SEMA5A: variants seen among roughly 807,000 people sequenced by gnomAD.
The protein encoded by SEMA5A is semaphorin-5A.
Under a neutral mutation model 135.5 loss-of-function variants are expected in SEMA5A, and 55 were observed. The ratio of observed to expected loss-of-function variants is 0.41; its 90% CI spans 0.33 to 0.51. SEMA5A has a LOEUF of 0.51. Among genes scored for constraint, SEMA5A ranks in the 20% least tolerant of loss-of-function variants. SEMA5A has a pLI of 0.37. For missense variants in SEMA5A, 1,290 were observed against 1,419.9 expected, an observed-to-expected ratio of 0.91 and a Z score of 1.47; for synonymous variants, 580 against 546.5, an observed-to-expected ratio of 1.06 and a Z score of -0.85.
At chr5:9,291,587 A>AAGAG (rs1250749271) in intron 5 of SEMA5A, among the ~76,000 whole-genome samples, 2 of 139,890 alleles carry the variant, frequency 1.4e-5, no homozygotes, top group Non-Finnish European at 3.2e-5. Context: ...AGAAGCAGGA[A>AAGAG]AGAGAGAGAG....
chr5:9,497,894 C>G (rs549305263), intron 1 of SEMA5A, among the ~76,000 whole-genome samples: 29 of 152,292 alleles, frequency 1.9e-4, no homozygotes, highest in African/African-American at 7.0e-4. Flanking sequence ...AAGATTCATT[C>G]TATTATTTTC....
intron 5 of SEMA5A, among the ~76,000 whole-genome samples, chr5:9,277,117 G>GA (rs1290700781): frequency 3.3e-5 from 5 of 151,716 alleles, no homozygotes; most frequent in African/African-American, 9.7e-5. Context: ...AATTTACACG[G>GA]AAAAAAACAA....
chr5:9,501,449 C>A (rs1035283631), intron 1 of SEMA5A, among the ~76,000 whole-genome samples: 1 of 152,184 alleles, frequency 6.6e-6, no homozygotes. Context: ...AACATACACA[C>A]ACATCCTTCT....
chr5:9,384,617 T>C (rs1332292908), intron 2 of SEMA5A, among the ~76,000 whole-genome samples: 6 of 103,548 alleles, frequency 5.8e-5, no homozygotes, highest in African/African-American at 2.3e-4. Flanking sequence ...GATAGATAGA[T>C]ACATAGATAG....
chr5:9,481,468 G>T lies in SEMA5A; in HGVS notation c.-174-43616C>A, dbSNP rs541394306. Among the ~76,000 whole-genome samples the T allele has an allele frequency of 2.6e-5, 4 of 152,012 alleles. No homozygotes were observed. The South Asian group carries it at 8.3e-4, about 32-fold the overall frequency. ...CCCTACAGACTACAGTAGCTAATGGGGATTATTTTTTTAAAATCATCAGGA... is the reference window on the plus strand; with the variant it reads ...CCCTACAGACTACAGTAGCTAATGGTGATTATTTTTTTAAAATCATCAGGA... On this transcript the variant is annotated intron_variant, in intron 1 of 22. Transcript: ENST00000382496.
chr5:9,404,465 A>G (rs1756797819), intron 2 of SEMA5A, among the ~76,000 whole-genome samples: 1 of 152,214 alleles, frequency 6.6e-6, no homozygotes, highest in African/African-American at 2.4e-5. Context: ...AATAGCACCC[A>G]TATCGCAGCC....
chr5:9,109,377 GAAGTGAGGA>G (rs1055568872), intron 15 of SEMA5A, among the ~76,000 whole-genome samples: 1 of 152,174 alleles, frequency 6.6e-6, no homozygotes, highest in African/African-American at 2.4e-5. Context: ...GAAATGAAGT[GAAGTGAGGA>G]AAGTAAACAA....
At chr5:9,313,833 C>T (rs576551605) in intron 5 of SEMA5A, among the ~76,000 whole-genome samples, 86 of 152,224 alleles carry the variant, frequency 5.6e-4, no homozygotes, top group African/African-American at 2.0e-3. Flanking sequence ...AGAGCAAATG[C>T]TTCAAGTTGG....
chr5:9,266,822 A>C (rs1749704172), intron 5 of SEMA5A, among the ~76,000 whole-genome samples: 1 of 152,206 alleles, frequency 6.6e-6, no homozygotes, highest in Admixed American at 6.5e-5. Flanking sequence ...AAATCAATAC[A>C]AACTCAACTT....
At chr5:9,134,320 T>C (rs1741610934) in intron 13 of SEMA5A, among the ~76,000 whole-genome samples, 1 of 152,180 alleles carries the variant, frequency 6.6e-6, no homozygotes, top group South Asian at 2.1e-4. Context: ...TAAATTATTT[T>C]ACTTTTCTGT....
At chr5:9,256,567 C>T (rs1299159250) in intron 5 of SEMA5A, among the ~76,000 whole-genome samples, 3 of 152,208 alleles carry the variant, frequency 2.0e-5, no homozygotes, top group Non-Finnish European at 4.4e-5. Flanking sequence ...CACATCACTG[C>T]ATTTGAATTC....
intron 3 of SEMA5A, among the ~76,000 whole-genome samples, chr5:9,364,151 C>A (rs1362670205): frequency 4.6e-5 from 7 of 152,182 alleles, no homozygotes. Context: ...TCTTTAACAA[C>A]CATGTAAATT....
chr5:9,197,728 TTGTGTGTGTGTGTGTGTGTGTGTGTGTG>T (rs70943946), intron 9 of SEMA5A, among the ~76,000 whole-genome samples: 646 of 59,296 alleles, frequency 0.011, 10 homozygotes, highest in Middle Eastern at 0.031. Context: ...GGAAAGCTGT[TTGTGTGTGTGTGTGTGTGTGTGTGTGTG>T]TGTGTGTGTG....
chr5:9,258,803 C>CTTTTTTTTTTTTTTTTTTTTTTT (rs748703578), intron 5 of SEMA5A, among the ~76,000 whole-genome samples: 1 of 48,984 alleles, frequency 2.0e-5, no homozygotes, highest in African/African-American at 8.4e-5. Flanking sequence ...TTCTTTCTTT[C>CTTTTTTTTTTTTTTTTTTTTTTT]TTTTTTTTTT....
chr5:9,229,214 A>G (rs752992310), intron 6 of SEMA5A, among the ~76,000 whole-genome samples: 17 of 152,230 alleles, frequency 1.1e-4, no homozygotes, highest in Non-Finnish European at 2.4e-4. Flanking sequence ...AACAACCACA[A>G]AGACCTAAGT....
intron 8 of SEMA5A, among the ~76,000 whole-genome samples, chr5:9,203,906 A>G (rs962394401): frequency 5.9e-5 from 9 of 151,704 alleles, no homozygotes; most frequent in African/African-American, 2.2e-4. Flanking sequence ...TCCTGGAGAG[A>G]TGTTCACAAA....
chr5:9,276,022 T>A (rs1349791110), intron 5 of SEMA5A, among the ~76,000 whole-genome samples: 2 of 152,214 alleles, frequency 1.3e-5, no homozygotes, highest in African/African-American at 4.8e-5. Flanking sequence ...AGTCAAATTG[T>A]CTCTGTTTGC....
intron 8 of SEMA5A, among the ~76,000 whole-genome samples, chr5:9,213,463 G>A (rs1238151686): frequency 6.6e-6 from 1 of 152,190 alleles, no homozygotes; most frequent in Non-Finnish European, 1.5e-5. Flanking sequence ...GCTGTGATCT[G>A]AAATAAGGTG....
intron 12 of SEMA5A, among the ~76,000 whole-genome samples, chr5:9,146,293 T>C (rs1742330969): frequency 6.6e-6 from 1 of 152,198 alleles, no homozygotes; most frequent in African/African-American, 2.4e-5. Flanking sequence ...ATTTACTTTC[T>C]GCCATTTCTC....
Sources: gnomAD v4.1 joint callset for allele counts (sites outside exome capture counted in the v4.1 genomes callset) on GRCh38, gnomAD v4.1.1 for gene constraint, MANE v1.5 for transcripts, NCBI Gene and HGNC (gene_info 2026-07-23, HGNC 2026-07-21) for gene names.